The following SDK1 variants were observed in gnomAD, a reference collection of about 807,000 sequenced individuals.
The protein encoded by SDK1 is protein sidekick-1.
SDK1 carries 157 observed loss-of-function variants against 245.5 expected under a neutral mutation model. That is an observed-to-expected ratio of 0.64 (90% CI 0.56 to 0.73). The LOEUF is 0.73. SDK1 is among the 30% of genes least tolerant of loss of function. The pLI is 0.00. For missense variants in SDK1, 3,583 were observed against 3,002.3 expected (o/e 1.19, Z -4.52); for synonymous variants, 1,647 against 1,278.5 (o/e 1.29, Z -6.15).
intron 5 of SDK1, among the ~76,000 whole-genome samples, chr7:3,905,000 A>T (rs1781915658): frequency 7.3e-6 from 1 of 136,110 alleles, no homozygotes. Context: ...CTCAAAAAAA[A>T]AAAAAAAAAT....
chr7:3,365,386 T>C (rs1343245981), intron 1 of SDK1, among the ~76,000 whole-genome samples: 1 of 152,140 alleles, frequency 6.6e-6, no homozygotes, highest in African/African-American at 2.4e-5. Context: ...ACCATTGCAA[T>C]AGGAGGCCAT....
chr7:3,901,891 G>A (rs1041014998), intron 5 of SDK1, among the ~76,000 whole-genome samples: 4 of 152,002 alleles, frequency 2.6e-5, no homozygotes, highest in South Asian at 2.1e-4. Flanking sequence ...ATAATATCCC[G>A]TTACTCATTT....
intron 1 of SDK1, among the ~76,000 whole-genome samples, chr7:3,308,086 C>T (rs1454779128): frequency 6.6e-6 from 1 of 152,088 alleles, no homozygotes; most frequent in African/African-American, 2.4e-5. Context: ...TTTACTCTAG[C>T]CTAAAAATGG....
At chr7:3,791,112 A>G (rs1016351199) in intron 4 of SDK1, among the ~76,000 whole-genome samples, 2 of 152,060 alleles carry the variant, frequency 1.3e-5, no homozygotes, top group Non-Finnish European at 2.9e-5. Flanking sequence ...TAAAGCTCTT[A>G]GAACAGTGAC....
chr7:3,932,149 C>T (rs1441845523), intron 5 of SDK1, among the ~76,000 whole-genome samples: 1 of 152,148 alleles, frequency 6.6e-6, no homozygotes, highest in Non-Finnish European at 1.5e-5. Context: ...ATTTTTTATT[C>T]ACCTGCCTTC....
rs568628732 is a variant in SDK1 at position 4,029,835 on chromosome 7, A to G, written c.2602+12483A>G. Reference sequence around the variant, plus strand: ...AATTCATCGATTCTGCCCCAGAATCAGAAATCAAAAATAAATTGCTTTGTT... The same window carrying G: ...AATTCATCGATTCTGCCCCAGAATCGGAAATCAAAAATAAATTGCTTTGTT... On this transcript the variant is annotated intron_variant, in intron 17 of 44. Coordinates refer to ENST00000404826, the MANE Select transcript of SDK1 (RefSeq NM_152744.4). 9.8e-5 allele frequency among the ~76,000 whole-genome samples: 15 copies of G among 152,344 alleles called. No homozygotes were observed. In the South Asian group the frequency reaches 1.0e-3, roughly 11 times the overall value.
intron 4 of SDK1, among the ~76,000 whole-genome samples, chr7:3,718,665 T>C (rs1439489961): frequency 6.6e-6 from 1 of 152,142 alleles, no homozygotes; most frequent in Non-Finnish European, 1.5e-5. Context: ...GTAAAGAGTA[T>C]GTACAGAAAC....
At chr7:3,899,648 C>G (rs1002823202) in intron 5 of SDK1, among the ~76,000 whole-genome samples, 8 of 152,214 alleles carry the variant, frequency 5.3e-5, no homozygotes, top group African/African-American at 1.9e-4. Flanking sequence ...TCAGCCAGGT[C>G]CAAGCTGCAC....
chr7:3,529,548 TTTGTTGTTG>T (rs563162258), intron 1 of SDK1, among the ~76,000 whole-genome samples: 26 of 151,506 alleles, frequency 1.7e-4, no homozygotes, highest in African/African-American at 5.6e-4. Context: ...AGAAGCAAAG[TTTGTTGTTG>T]TTGTTGTTGT....
intron 1 of SDK1, among the ~76,000 whole-genome samples, chr7:3,379,233 C>T (rs141045576): frequency 2.2e-4 from 34 of 152,262 alleles, no homozygotes; most frequent in African/African-American, 7.7e-4. Flanking sequence ...AAGAGAAGAC[C>T]TGTCACGATG....
chr7:3,319,876 G>GTTTTTTTTTTTTTTTTTTTTTTT (rs1562411105), intron 1 of SDK1, among the ~76,000 whole-genome samples: 2 of 40,982 alleles, frequency 4.9e-5, no homozygotes, highest in Admixed American at 1.9e-4. Flanking sequence ...CCCATTCTTA[G>GTTTTTTTTTTTTTTTTTTTTTTT]TCTTTTTTTT....
At chr7:4,083,909 A>C (rs1781262052) in intron 22 of SDK1, among the ~76,000 whole-genome samples, 1 of 151,022 alleles carries the variant, frequency 6.6e-6, no homozygotes, top group Non-Finnish European at 1.5e-5. Flanking sequence ...ACGTAGGTCT[A>C]GTCGCCCCAC....
chr7:3,929,406 C>T (rs1779896662), intron 5 of SDK1, among the ~76,000 whole-genome samples: 1 of 152,202 alleles, frequency 6.6e-6, no homozygotes, highest in Admixed American at 6.5e-5. Context: ...CTTTCTCACA[C>T]CTTCTAGCTT....
intron 1 of SDK1, among the ~76,000 whole-genome samples, chr7:3,526,922 C>G (rs1336873837): frequency 6.6e-6 from 1 of 152,102 alleles, no homozygotes; most frequent in Admixed American, 6.5e-5. Context: ...TTGAGACACT[C>G]TCTGCTTACC....
At position 3,949,140 on chromosome 7, in the gene SDK1, C is replaced by T. The variant is rs565851369; in HGVS notation, c.848-1783C>T. Reference sequence around the variant, plus strand: ...GCGAAGGCGTCAGCAGGAAGGTTTCCGGAGAAGCTTCGAGGGTCCGCTGCA... The same window carrying T: ...GCGAAGGCGTCAGCAGGAAGGTTTCTGGAGAAGCTTCGAGGGTCCGCTGCA... On this transcript the variant is annotated intron_variant, in intron 5 of 44. Coordinates refer to ENST00000404826, the MANE Select transcript of SDK1 (RefSeq NM_152744.4). Among the ~76,000 whole-genome samples the T allele has an allele frequency of 1.2e-4, 19 of 152,250 alleles. 1 individual carries two copies. Among genetic ancestry groups the T allele is most frequent in the African/African-American group, 4.1e-4 (17 of 41,544 alleles).
Position 3,482,000 on chromosome 7 carries a change from A to C in SDK1, c.299-137080A>C, listed in dbSNP as rs574103361. Among the ~76,000 whole-genome samples, 5 of 149,348 alleles carry C rather than the reference A, an allele frequency of 3.3e-5. No individual in the cohort carries two copies. In the East Asian group the frequency reaches 9.7e-4, roughly 29 times the overall value. On this transcript the variant is annotated intron_variant, in intron 1 of 44. Coordinates refer to ENST00000404826, the MANE Select transcript of SDK1 (RefSeq NM_152744.4). ...AAAAAGCAAAGCTTGAAAAAAATAT[A>C]ATAAGGGATTAATAATCAAAACATA...
At chr7:4,059,542 A>C (rs1006076217) in intron 19 of SDK1, among the ~76,000 whole-genome samples, 4 of 152,242 alleles carry the variant, frequency 2.6e-5, no homozygotes, top group Admixed American at 2.0e-4. Context: ...ATCTTGACAG[A>C]AAAATAACAA....
chr7:3,669,191 C>T (rs1187769932), intron 4 of SDK1, among the ~76,000 whole-genome samples: 1 of 152,052 alleles, frequency 6.6e-6, no homozygotes, highest in Non-Finnish European at 1.5e-5. Flanking sequence ...TTTTGAAAAG[C>T]AAAGAAATGT....
intron 1 of SDK1, among the ~76,000 whole-genome samples, chr7:3,323,925 G>A (rs1050401409): frequency 6.6e-6 from 1 of 152,146 alleles, no homozygotes; most frequent in Non-Finnish European, 1.5e-5. Context: ...CATCTTCTCT[G>A]TCTTTTGATT....
Sources: allele counts gnomAD v4.1 joint callset (sites outside exome capture counted in the v4.1 genomes callset), GRCh38; gene constraint gnomAD v4.1.1; transcripts MANE v1.5; gene names NCBI Gene and HGNC (gene_info 2026-07-23, HGNC 2026-07-21).